The following C6 variants were observed in gnomAD, a reference collection of about 807,000 sequenced individuals.
C6 encodes complement C6.
Under a neutral mutation model 112.9 loss-of-function variants are expected in C6, and 101 were observed. The ratio of observed to expected loss-of-function variants is 0.89; its 90% CI spans 0.76 to 1.06. C6 has a LOEUF of 1.06. C6 is among the 50% of genes least tolerant of loss of function. The pLI is 0.00. For synonymous variants in C6, 431 were observed against 384.1 expected, an observed-to-expected ratio of 1.12 and a Z score of -1.43; for missense variants, 1,202 against 1,104.6, an observed-to-expected ratio of 1.09 and a Z score of -1.25.
chr5:41,161,542 A>G (rs1580076760), intron 10 of C6, 151 bp downstream of exon 10: 3 of 704,168 alleles, frequency 4.3e-6, no homozygotes, highest in East Asian at 2.7e-5. Context: ...GCAATTTAAC[A>G]TTTAAAAAAA....
intron 6 of C6, among the ~76,000 whole-genome samples, chr5:41,183,990 A>C (rs1749565463): frequency 2.8e-5 from 4 of 142,276 alleles, no homozygotes; most frequent in East Asian, 2.4e-4. Flanking sequence ...GGGGGAAGGG[A>C]GGGAGGGGCA....
At chr5:41,258,663 A>T (rs931586840) in intron 1 of C6, among the ~76,000 whole-genome samples, 1 of 152,218 alleles carries the variant, frequency 6.6e-6, no homozygotes, top group Non-Finnish European at 1.5e-5. Flanking sequence ...GTATTAGCCC[A>T]TTCTCATGCT....
chr5:41,236,982 G>A (rs1740360522), intron 1 of C6, among the ~76,000 whole-genome samples: 1 of 151,718 alleles, frequency 6.6e-6, no homozygotes, highest in African/African-American at 2.4e-5. Flanking sequence ...TCTAGAAGAA[G>A]TGGATACATT....
At chr5:41,216,473 T>C (rs2150400071), upstream of C6, among the ~76,000 whole-genome samples, 1 of 152,258 alleles carries the variant, frequency 6.6e-6, no homozygotes, top group African/African-American at 2.4e-5. Flanking sequence ...TCTACTTCCA[T>C]GGGGTTATTG....
intron 6 of C6, among the ~76,000 whole-genome samples, chr5:41,183,857 C>T (rs1749550468): frequency 6.6e-6 from 1 of 152,016 alleles, no homozygotes; most frequent in African/African-American, 2.4e-5. Context: ...AGACCATTAT[C>T]CTAAGCAAAT....
chr5:41,249,827 A>T (rs1013624803), intron 1 of C6, among the ~76,000 whole-genome samples: 7 of 152,220 alleles, frequency 4.6e-5, no homozygotes, highest in African/African-American at 1.7e-4. Context: ...GATCTAATCC[A>T]TACTATGGAC....
intron 8 of C6, 43 bp from the exon 9 acceptor site, chr5:41,172,390 T>C (rs369952503): frequency 1.1e-5 from 17 of 1,605,928 alleles, no homozygotes; most frequent in East Asian, 4.5e-5. Flanking sequence ...GAATGCACCA[T>C]TGACAATTCA....
At chr5:41,183,412 A>G (rs144172933) in intron 6 of C6, among the ~76,000 whole-genome samples, 1 of 152,194 alleles carries the variant, frequency 6.6e-6, no homozygotes, top group Admixed American at 6.5e-5. Context: ...GAGAAATGCA[A>G]ATCAAAGCCA....
chr5:41,155,574 C>A (rs779713532), intron 13 of C6, among the ~76,000 whole-genome samples: 8 of 151,930 alleles, frequency 5.3e-5, no homozygotes, highest in Admixed American at 1.3e-4. Context: ...CACAAAAATA[C>A]AGAAAAGTAG....
chr5:41,195,697 A>G, intron 5 of C6, 95 bp downstream of exon 5: 1 of 1,307,992 alleles, frequency 7.6e-7, no homozygotes, highest in Non-Finnish European at 1.1e-6. Context: ...TAAGAAGTTA[A>G]TGAGGAAGAT....
intron 1 of C6, among the ~76,000 whole-genome samples, chr5:41,239,111 C>CTTTTT (rs34322889): frequency 6.6e-4 from 80 of 121,588 alleles, no homozygotes; most frequent in Non-Finnish European, 9.4e-4. Flanking sequence ...TCTTTTCTTT[C>CTTTTT]TTTTTTTTTT....
At chr5:41,255,959 A>C (rs991247473) in intron 1 of C6, among the ~76,000 whole-genome samples, 2 of 152,208 alleles carry the variant, frequency 1.3e-5, no homozygotes, top group African/African-American at 2.4e-5. Context: ...ATGGGGTTAC[A>C]TTCCCAACTT....
intron 1 of C6, among the ~76,000 whole-genome samples, chr5:41,239,111 C>CTTTCTT (rs1740527793): frequency 2.5e-5 from 3 of 121,642 alleles, no homozygotes; most frequent in African/African-American, 9.2e-5. Context: ...TCTTTTCTTT[C>CTTTCTT]TTTTTTTTTT....
intron 3 of C6, among the ~76,000 whole-genome samples, chr5:41,201,164 G>T (rs188065184): frequency 1.3e-5 from 2 of 151,806 alleles, no homozygotes; most frequent in African/African-American, 2.4e-5. Context: ...AAGCTACTAC[G>T]TTATGTATAT....
At chr5:41,156,344 G>C (rs1459184127) in intron 13 of C6, among the ~76,000 whole-genome samples, 1 of 152,072 alleles carries the variant, frequency 6.6e-6, no homozygotes, top group Non-Finnish European at 1.5e-5. Context: ...TTTCAGTTCT[G>C]AGGGAAACTC....
intron 1 of C6, among the ~76,000 whole-genome samples, chr5:41,208,237 T>C (rs180743072): frequency 1.6e-3 from 238 of 152,228 alleles, no homozygotes; most frequent in Non-Finnish European, 2.9e-3. Context: ...AGAGGGAAAT[T>C]TATAGCACTA....
At chr5:41,261,186 A>T in intron 1 of C6, 1 of 985,782 alleles carries the variant, frequency 1.0e-6, no homozygotes, top group South Asian at 4.7e-5. Context: ...AAAAAGTAGA[A>T]AACTTACTAT....
At chr5:41,143,573 C>A (rs985927338) in intron 17 of C6, among the ~76,000 whole-genome samples, 1 of 152,006 alleles carries the variant, frequency 6.6e-6, no homozygotes, top group African/African-American at 2.4e-5. Context: ...TTTTTTGAAC[C>A]CTTACAGCAA....
At chr5:41,247,719 G>GAAAAAAAAAA (rs376007818) in intron 1 of C6, among the ~76,000 whole-genome samples, 1 of 74,166 alleles carries the variant, frequency 1.3e-5, no homozygotes. Flanking sequence ...CTCCATCTCA[G>GAAAAAAAAAA]AAAAAAAAAA....
Sources: allele counts gnomAD v4.1 joint callset (sites outside exome capture counted in the v4.1 genomes callset), GRCh38; gene constraint gnomAD v4.1.1; transcripts MANE v1.5; gene names NCBI Gene and HGNC (gene_info 2026-07-23, HGNC 2026-07-21).